SPHKAP: variants seen among roughly 807,000 people sequenced by gnomAD.
SPHKAP encodes SPHK1 interactor, AKAP domain containing.
Under a neutral mutation model 137.5 loss-of-function variants are expected in SPHKAP, and 67 were observed. The ratio of observed to expected loss-of-function variants is 0.49; its 90% CI spans 0.40 to 0.60. The LOEUF is 0.60. Among genes scored for constraint, SPHKAP ranks in the 20% least tolerant of loss-of-function variants. The pLI, the probability that SPHKAP is intolerant of heterozygous loss-of-function variation, is 0.00. For synonymous variants in SPHKAP, 813 were observed against 785.3 expected, an observed-to-expected ratio of 1.04 and a Z score of -0.59; for missense variants, 2,097 against 2,069.3, an observed-to-expected ratio of 1.01 and a Z score of -0.26.
At position 227,995,694 on chromosome 2, in the gene SPHKAP, A is replaced by G; in HGVS notation, c.4449T>C (p.Ser1483=). 1 of 1,585,700 alleles carries G rather than the reference A, an allele frequency of 6.3e-7. No homozygotes were observed. Residue 1483 remains serine, a splice_region_variant and synonymous_variant, in exon 8 of 12, where the codon AGT becomes AGC. Coordinates refer to ENST00000392056, the MANE Select transcript of SPHKAP (RefSeq NM_001142644.2). ...DTAVSACQIH[S]DSLDTRDVPE... is the part of the protein sequence containing the mutation. ...GTACATCTCTGGTATCAAGGCTGTC[A>G]CTGTAGAGGGCAAGATATTATTACC...
At chr2:228,009,823 C>T (rs1000642307) in intron 7 of SPHKAP, among the ~76,000 whole-genome samples, 5 of 152,160 alleles carry the variant, frequency 3.3e-5, no homozygotes, top group Non-Finnish European at 7.4e-5. Context: ...TTTTTAGGGT[C>T]TCTACTAAGT....
At chr2:228,083,470 C>T (rs148036654) in intron 3 of SPHKAP, among the ~76,000 whole-genome samples, 29 of 152,094 alleles carry the variant, frequency 1.9e-4, no homozygotes, top group African/African-American at 5.8e-4. Context: ...GTTTTTTGGC[C>T]GCATAAATAT....
intron 1 of SPHKAP, among the ~76,000 whole-genome samples, chr2:228,154,423 G>T (rs1700032328): frequency 7.4e-6 from 1 of 135,860 alleles, no homozygotes; most frequent in Non-Finnish European, 1.5e-5. Context: ...CAGCACTTTA[G>T]AACTTAGAAT....
At chr2:228,173,415 G>C (rs1474075598) in intron 1 of SPHKAP, among the ~76,000 whole-genome samples, 3 of 152,172 alleles carry the variant, frequency 2.0e-5, no homozygotes, top group Admixed American at 1.3e-4. Context: ...AAGTTTACTA[G>C]CCAGCTGATC....
chr2:228,045,294 C>G (rs1193036346), intron 3 of SPHKAP, among the ~76,000 whole-genome samples: 1 of 148,620 alleles, frequency 6.7e-6, no homozygotes, highest in Non-Finnish European at 1.5e-5. Context: ...AAGACACATG[C>G]ACACGTATGT....
At chr2:228,125,598 T>G (rs1699051210) in intron 2 of SPHKAP, among the ~76,000 whole-genome samples, 1 of 152,200 alleles carries the variant, frequency 6.6e-6, no homozygotes, top group Non-Finnish European at 1.5e-5. Flanking sequence ...AGTCCAGATT[T>G]GATACACAAT....
chr2:228,009,757 G>A (rs539921191), intron 7 of SPHKAP, among the ~76,000 whole-genome samples: 2 of 152,306 alleles, frequency 1.3e-5, no homozygotes, highest in East Asian at 1.9e-4. Context: ...GTTAGAACAA[G>A]TGTAGATTAG....
At chr2:228,052,436 T>G (rs1368461063) in intron 3 of SPHKAP, among the ~76,000 whole-genome samples, 3 of 152,198 alleles carry the variant, frequency 2.0e-5, no homozygotes, top group Admixed American at 1.3e-4. Flanking sequence ...TTATCATGGC[T>G]TCCAGTTTAA....
intron 1 of SPHKAP, among the ~76,000 whole-genome samples, chr2:228,152,719 C>CTTTT (rs36033637): frequency 6.9e-6 from 1 of 144,694 alleles, no homozygotes; most frequent in Non-Finnish European, 1.5e-5. Flanking sequence ...GTTATACCTT[C>CTTTT]TTTTTTTTTT....
At chr2:228,161,893 A>G (rs940826259) in intron 1 of SPHKAP, among the ~76,000 whole-genome samples, 1 of 152,148 alleles carries the variant, frequency 6.6e-6, no homozygotes, top group African/African-American at 2.4e-5. Context: ...TGTTTATAGC[A>G]TTGCCAGTAC....
At chr2:228,144,673 A>G (rs1699716343) in intron 1 of SPHKAP, among the ~76,000 whole-genome samples, 1 of 152,334 alleles carries the variant, frequency 6.6e-6, no homozygotes, top group East Asian at 1.9e-4. Context: ...TGAAATGAAC[A>G]AACAGGAAAT....
chr2:228,086,463 C>T (rs1463287007), intron 3 of SPHKAP, among the ~76,000 whole-genome samples: 1 of 152,068 alleles, frequency 6.6e-6, no homozygotes, highest in East Asian at 1.9e-4. Context: ...TTTCTCATCC[C>T]TTTTAGCTCC....
intron 1 of SPHKAP, among the ~76,000 whole-genome samples, chr2:228,139,318 A>G (rs1297551634): frequency 6.6e-6 from 1 of 152,166 alleles, no homozygotes; most frequent in African/African-American, 2.4e-5. Context: ...AGATATACAC[A>G]GTAAAATGTG....
At chr2:228,081,752 G>A (rs563784344) in intron 3 of SPHKAP, among the ~76,000 whole-genome samples, 1 of 152,226 alleles carries the variant, frequency 6.6e-6, no homozygotes, top group East Asian at 1.9e-4. Context: ...TTAAATTCAT[G>A]TAAGTAGGGA....
At chr2:227,993,401 C>T (rs1693493273) in intron 9 of SPHKAP, 133 bp downstream of exon 9, 2 of 809,006 alleles carry the variant, frequency 2.5e-6, no homozygotes, top group Non-Finnish European at 4.0e-6. Context: ...AATTCTTCCT[C>T]CAGTGACATG....
intron 3 of SPHKAP, among the ~76,000 whole-genome samples, chr2:228,046,513 AAAAT>A (rs1423986102): frequency 6.6e-6 from 1 of 152,194 alleles, no homozygotes; most frequent in East Asian, 1.9e-4. Context: ...CCAAGTATTA[AAAAT>A]AAATAGGTGA....
chr2:228,071,853 A>C (rs1362968718), intron 3 of SPHKAP, among the ~76,000 whole-genome samples: 1 of 152,104 alleles, frequency 6.6e-6, no homozygotes, highest in Non-Finnish European at 1.5e-5. Flanking sequence ...CCCCAACAGC[A>C]GTGTGATGGT....
intron 1 of SPHKAP, among the ~76,000 whole-genome samples, chr2:228,157,001 A>G (rs1700126087): frequency 1.3e-5 from 2 of 152,290 alleles, no homozygotes; most frequent in Middle Eastern, 3.4e-3. Flanking sequence ...GGCAGCAAGC[A>G]CAGTGCAAGG....
At chr2:228,062,935 G>T (rs1696701841) in intron 3 of SPHKAP, among the ~76,000 whole-genome samples, 1 of 152,112 alleles carries the variant, frequency 6.6e-6, no homozygotes, top group Non-Finnish European at 1.5e-5. Flanking sequence ...AAAATAACTT[G>T]GTTGGTCAAT....
Sources: allele counts gnomAD v4.1 joint callset (sites outside exome capture counted in the v4.1 genomes callset), GRCh38; gene constraint gnomAD v4.1.1; transcripts MANE v1.5; gene names NCBI Gene and HGNC (gene_info 2026-07-23, HGNC 2026-07-21).